The following APMAP variants were observed in gnomAD, a reference collection of about 807,000 sequenced individuals.
The protein encoded by APMAP is adipocyte plasma membrane associated protein.
In APMAP, 33 loss-of-function variants were observed where a neutral mutation model predicts 43.6. The observed-to-expected ratio is 0.76, with a 90% CI of 0.57 to 1.01. The LOEUF is 1.01. APMAP is among the 50% of genes least tolerant of loss of function. The pLI is 0.00. For synonymous variants in APMAP, 224 were observed against 216.7 expected, an observed-to-expected ratio of 1.03 and a Z score of -0.30; for missense variants, 498 against 540.7, an observed-to-expected ratio of 0.92 and a Z score of 0.78.
At chr20:24,966,507 C>T (rs975132302) in intron 8 of APMAP, among the ~76,000 whole-genome samples, 1 of 152,186 alleles carries the variant, frequency 6.6e-6, no homozygotes, top group African/African-American at 2.4e-5. Flanking sequence ...TCATGACAGC[C>T]GCGCCAAGAT....
intron 3 of APMAP, among the ~76,000 whole-genome samples, chr20:24,976,560 G>A (rs1047413250): frequency 1.3e-5 from 2 of 152,226 alleles, no homozygotes; most frequent in Admixed American, 6.5e-5. Flanking sequence ...CGAGGACATG[G>A]AGCATCAGGA....
chr20:24,990,777 A>G (rs1472204853), intron 1 of APMAP, among the ~76,000 whole-genome samples: 1 of 152,260 alleles, frequency 6.6e-6, no homozygotes, highest in Non-Finnish European at 1.5e-5. Context: ...CAGAAGAAAA[A>G]TAAGAAAAAC....
chr20:24,966,202 C>T (rs1358622214), intron 8 of APMAP, among the ~76,000 whole-genome samples: 1 of 152,170 alleles, frequency 6.6e-6, no homozygotes, highest in African/African-American at 2.4e-5. Context: ...GAGGAGCTAG[C>T]CCAAGACAAG....
chr20:24,964,391 C>A (rs750845173), intron 8 of APMAP: 59 of 499,406 alleles, frequency 1.2e-4, no homozygotes, highest in Non-Finnish European at 2.4e-4. Flanking sequence ...ACAACCAGCG[C>A]AGCTTCCCTG....
chr20:24,963,616 C>G lies in APMAP; in HGVS notation c.*197G>C, dbSNP rs2087916276. 1.6e-6 allele frequency: 1 copy of G among 606,070 alleles called. No individual in the cohort carries two copies. Among genetic ancestry groups the G allele is most frequent in the Non-Finnish European group, 2.9e-6 (1 of 341,588 alleles). 37.5% of individuals were successfully genotyped at this position (606,070 alleles called of 1,614,324 possible). A position where few individuals can be genotyped will look rare whatever the true frequency, so the allele number is the denominator to read the frequency against. The stretch of plus-strand genomic sequence containing the variant: ...CATGGCAGATATGTTACACTTCCCT[C>G]TAAACAGAAAGACAAGCCCAGGTGG... On this transcript the variant is annotated 3_prime_UTR_variant, in exon 9 of 9. Coordinates refer to ENST00000217456, the MANE Select transcript of APMAP (RefSeq NM_020531.3).
intron 1 of APMAP, 77 bp downstream of exon 1, chr20:24,992,517 C>A: frequency 1.7e-6 from 2 of 1,202,654 alleles, no homozygotes. Flanking sequence ...CTGTTACTGC[C>A]GTCGCCGCTG....
intron 5 of APMAP, 130 bp downstream of exon 5, chr20:24,971,330 T>C (rs1463516232): frequency 7.2e-6 from 6 of 828,724 alleles, no homozygotes; most frequent in African/African-American, 3.4e-5. Context: ...TTTTCAGTAC[T>C]GTTCAGTGAA....
intron 1 of APMAP, among the ~76,000 whole-genome samples, chr20:24,987,740 A>T (rs1331014855): frequency 2.0e-5 from 3 of 152,212 alleles, no homozygotes; most frequent in Admixed American, 6.5e-5. Flanking sequence ...GAACATTTTA[A>T]GTAGGTTAAT....
chr20:24,984,058 C>T (rs372958906), intron 1 of APMAP, 39 bp from the exon 2 acceptor site: 18 of 1,535,084 alleles, frequency 1.2e-5, no homozygotes, highest in Non-Finnish European at 1.5e-5. Context: ...TCAGCTGAGT[C>T]TCAGACAGTG....
At chr20:24,974,845 G>A (rs1481991144) in intron 3 of APMAP, among the ~76,000 whole-genome samples, 1 of 152,138 alleles carries the variant, frequency 6.6e-6, no homozygotes, top group Non-Finnish European at 1.5e-5. Context: ...CAATATGTGA[G>A]GCAAAAACTG....
intron 2 of APMAP, among the ~76,000 whole-genome samples, chr20:24,980,230 G>A (rs769139444): frequency 6.6e-6 from 1 of 152,220 alleles, no homozygotes; most frequent in Non-Finnish European, 1.5e-5. Context: ...AATATCTTCC[G>A]ATTATCCCCT....
At chr20:24,983,154 T>C (rs866543235) in intron 2 of APMAP, among the ~76,000 whole-genome samples, 2 of 152,258 alleles carry the variant, frequency 1.3e-5, no homozygotes, top group South Asian at 2.1e-4. Flanking sequence ...TTAATTTTTA[T>C]GGATAAAACA....
chr20:24,979,846 T>G (rs754862075), intron 2 of APMAP, among the ~76,000 whole-genome samples: 27 of 151,908 alleles, frequency 1.8e-4, no homozygotes, highest in Non-Finnish European at 3.7e-4. Flanking sequence ...CACCAGCCCC[T>G]CCCTGCTGGG....
At chr20:24,973,829 TC>T (rs1166943923) in intron 3 of APMAP, 92 bp from the exon 4 acceptor site, 2 of 1,089,832 alleles carry the variant, frequency 1.8e-6, no homozygotes, top group African/African-American at 3.1e-5. Context: ...GTTTACATGT[TC>T]CCCCTGCCCT....
intron 2 of APMAP, among the ~76,000 whole-genome samples, chr20:24,983,450 G>GT (rs1241255516): frequency 7.9e-5 from 12 of 152,238 alleles, no homozygotes; most frequent in African/African-American, 2.9e-4. Flanking sequence ...ATATACAATA[G>GT]TTTTTTCAAA....
chr20:24,992,556 G>T (rs1300374425), intron 1 of APMAP, 38 bp downstream of exon 1: 2 of 1,447,302 alleles, frequency 1.4e-6, no homozygotes, highest in South Asian at 1.3e-5. Flanking sequence ...CACTCCTAGC[G>T]GCCCGGCTCC....
intron 1 of APMAP, among the ~76,000 whole-genome samples, chr20:24,992,292 G>A (rs191592497): frequency 4.9e-4 from 74 of 152,308 alleles, no homozygotes; most frequent in African/African-American, 1.8e-3. Flanking sequence ...GGTGGGGCAG[G>A]AGTGAGGGAG....
chr20:24,978,740 T>TCC (rs199561112), intron 3 of APMAP, 27 bp downstream of exon 3: 5 of 1,014,594 alleles, frequency 4.9e-6, no homozygotes, highest in South Asian at 2.8e-5. Context: ...CCTGGAAGGC[T>TCC]CCCCCCCCAC....
At chr20:24,969,370 G>A (rs984502862) in intron 7 of APMAP, among the ~76,000 whole-genome samples, 156 bp downstream of exon 7, 1 of 152,164 alleles carries the variant, frequency 6.6e-6, no homozygotes, top group Admixed American at 6.5e-5. Context: ...ACTCGCAATG[G>A]GAGAAAGAAA....
Sources: gnomAD v4.1 joint callset for allele counts (sites outside exome capture counted in the v4.1 genomes callset) on GRCh38, gnomAD v4.1.1 for gene constraint, MANE v1.5 for transcripts, NCBI Gene and HGNC (gene_info 2026-07-23, HGNC 2026-07-21) for gene names.